The following PSMD14 variants were observed in gnomAD, a reference collection of about 807,000 sequenced individuals.
PSMD14 encodes the protein ubiquitin C-terminal hydrolase PSMD14.
In PSMD14, 7 loss-of-function variants were observed where a neutral mutation model predicts 41.2. The ratio of observed to expected loss-of-function variants is 0.17; its 90% confidence interval spans 0.10 to 0.32. PSMD14 has a LOEUF of 0.32. Ranked by LOEUF, PSMD14 falls within the 10% of genes least tolerant of loss-of-function variation. The pLI is 1.00. For missense variants in PSMD14, 139 were observed against 375.6 expected, an observed-to-expected ratio of 0.37 and a Z score of 5.21; for synonymous variants, 114 against 122.3, an observed-to-expected ratio of 0.93 and a Z score of 0.45.
chr2:161,380,913 T>A (rs1484046066), intron 7 of PSMD14, among the ~76,000 whole-genome samples: 1 of 151,982 alleles, frequency 6.6e-6, no homozygotes, highest in East Asian at 1.9e-4. Context: ...GCACTCTTAA[T>A]TTTTAAAGAA....
intron 3 of PSMD14, among the ~76,000 whole-genome samples, chr2:161,346,352 T>C (rs754213697): frequency 2.6e-5 from 4 of 152,120 alleles, no homozygotes; most frequent in Admixed American, 1.3e-4. Context: ...GTCATTTTCA[T>C]CCCAAGAAGT....
At chr2:161,403,352 G>T (rs936812742) in intron 10 of PSMD14, among the ~76,000 whole-genome samples, 1 of 152,184 alleles carries the variant, frequency 6.6e-6, no homozygotes, top group Non-Finnish European at 1.5e-5. Flanking sequence ...AATCCATAGA[G>T]ACAGAAAACA....
intron 3 of PSMD14, among the ~76,000 whole-genome samples, chr2:161,344,390 G>A (rs1263637656): frequency 2.6e-5 from 4 of 152,088 alleles, no homozygotes; most frequent in East Asian, 3.9e-4. Flanking sequence ...TTGTATCCTC[G>A]CATAGCAGAA....
At chr2:161,325,818 A>G (rs1682686659) in intron 3 of PSMD14, among the ~76,000 whole-genome samples, 1 of 152,322 alleles carries the variant, frequency 6.6e-6, no homozygotes, top group African/African-American at 2.4e-5. Context: ...GTAGACCAGT[A>G]TAATCAAAAA....
intron 10 of PSMD14, among the ~76,000 whole-genome samples, chr2:161,406,100 A>G (rs946386865): frequency 1.3e-5 from 2 of 152,198 alleles, no homozygotes; most frequent in African/African-American, 4.8e-5. Context: ...AAAAGGGTAA[A>G]TAAAGTGATG....
intron 7 of PSMD14, chr2:161,382,267 C>A (rs1683579008): frequency 6.6e-6 from 1 of 151,762 alleles, no homozygotes; most frequent in African/African-American, 2.4e-5. Context: ...TAAATAGCAT[C>A]ATCAACCCCT....
intron 3 of PSMD14, among the ~76,000 whole-genome samples, chr2:161,344,662 T>G (rs764314137): frequency 8.6e-5 from 13 of 152,010 alleles, no homozygotes; most frequent in Non-Finnish European, 1.6e-4. Flanking sequence ...AGATCCATAT[T>G]TTTATCTGGT....
intron 1 of PSMD14, among the ~76,000 whole-genome samples, chr2:161,315,365 C>T (rs1310276513): frequency 6.6e-6 from 1 of 152,182 alleles, no homozygotes; most frequent in African/African-American, 2.4e-5. Flanking sequence ...AATCTGTCTC[C>T]TTCCCATTCA....
At chr2:161,324,378 A>G (rs944436411) in intron 3 of PSMD14, among the ~76,000 whole-genome samples, 3 of 152,222 alleles carry the variant, frequency 2.0e-5, no homozygotes, top group Non-Finnish European at 4.4e-5. Context: ...GGTTAGTTTA[A>G]CTTCTTTTGG....
chr2:161,378,600 C>T (rs1387128055), intron 7 of PSMD14, among the ~76,000 whole-genome samples: 1 of 151,832 alleles, frequency 6.6e-6, no homozygotes. Flanking sequence ...GAGACACAAA[C>T]CTTGCTGTTG....
chr2:161,324,995 A>G (rs545321064), intron 3 of PSMD14, among the ~76,000 whole-genome samples: 1 of 152,292 alleles, frequency 6.6e-6, no homozygotes, highest in East Asian at 1.9e-4. Context: ...AGCCAGGTCC[A>G]TTATTGAGAA....
intron 3 of PSMD14, among the ~76,000 whole-genome samples, chr2:161,365,548 A>C (rs977719336): frequency 6.6e-6 from 1 of 152,070 alleles, no homozygotes; most frequent in Non-Finnish European, 1.5e-5. Flanking sequence ...ATTTTCAGGC[A>C]AGTTGAGAAA....
intron 7 of PSMD14, 77 bp downstream of exon 7, chr2:161,371,399 T>C (rs1683432155): frequency 6.9e-7 from 1 of 1,439,742 alleles, no homozygotes; most frequent in Non-Finnish European, 9.4e-7. Context: ...ATCAATTTTG[T>C]TCAAAGCAGG....
chr2:161,312,828 A>C (rs952632943), intron 1 of PSMD14, among the ~76,000 whole-genome samples: 1 of 152,206 alleles, frequency 6.6e-6, no homozygotes, highest in African/African-American at 2.4e-5. Context: ...TCTTTCTGCT[A>C]AATTCTGCGA....
chr2:161,392,675 C>T (rs1683728507), intron 9 of PSMD14, among the ~76,000 whole-genome samples: 1 of 152,060 alleles, frequency 6.6e-6, no homozygotes, highest in Non-Finnish European at 1.5e-5. Context: ...ACCACTTCCC[C>T]CTTGGCGCAA....
intron 3 of PSMD14, among the ~76,000 whole-genome samples, chr2:161,365,870 A>G (rs1683351115): frequency 6.6e-6 from 1 of 152,164 alleles, no homozygotes; most frequent in Non-Finnish European, 1.5e-5. Context: ...CAGGCTATGC[A>G]GTAGATCACC....
chr2:161,376,208 TC>T (rs1440023904), intron 7 of PSMD14, among the ~76,000 whole-genome samples: 1 of 151,380 alleles, frequency 6.6e-6, no homozygotes, highest in Non-Finnish European at 1.5e-5. Flanking sequence ...CATTTTTATC[TC>T]CTCTTTACAG....
At chr2:161,311,117 A>G (rs1052207928) in intron 1 of PSMD14, among the ~76,000 whole-genome samples, 2 of 152,218 alleles carry the variant, frequency 1.3e-5, no homozygotes, top group African/African-American at 4.8e-5. Flanking sequence ...TCTGGCCAAC[A>G]TGGCGAAACC....
intron 3 of PSMD14, among the ~76,000 whole-genome samples, chr2:161,354,544 G>T (rs898095196): frequency 1.1e-4 from 16 of 152,102 alleles, no homozygotes; most frequent in Admixed American, 6.6e-5. Context: ...GTTACCCAAA[G>T]TGGGAGACAG....
Sources: allele counts gnomAD v4.1 joint callset (sites outside exome capture counted in the v4.1 genomes callset), GRCh38; gene constraint gnomAD v4.1.1; transcripts MANE v1.5; gene names NCBI Gene and HGNC (gene_info 2026-07-23, HGNC 2026-07-21).